Variants in AUTS2 observed in about 807,000 individuals in gnomAD.
AUTS2 encodes autism susceptibility gene 2 protein.
Under a neutral mutation model 112.4 loss-of-function variants are expected in AUTS2, and 17 were observed. The observed-to-expected ratio is 0.15, with a 90% CI of 0.10 to 0.23. AUTS2 has a LOEUF of 0.23. Among genes scored for constraint, AUTS2 ranks in the 10% least tolerant of loss-of-function variants. The probability of loss-of-function intolerance (pLI) is 1.00; values close to 1 mark genes in which losing one functional copy is unlikely to be tolerated. For missense variants in AUTS2, 1,510 were observed against 1,701.6 expected (o/e 0.89, Z 1.98); for synonymous variants, 751 against 702.7 (o/e 1.07, Z -1.09).
At chr7:69,893,871 C>T (rs1289561598) in intron 1 of AUTS2, among the ~76,000 whole-genome samples, 1 of 152,158 alleles carries the variant, frequency 6.6e-6, no homozygotes, top group Non-Finnish European at 1.5e-5. Context: ...ACTGAACCAT[C>T]TCATTTTGAA....
In AUTS2 at chr7:69,775,744, C is replaced by T. The variant is rs970555820; in HGVS notation, c.310-123542C>T. 3.3e-5 allele frequency among the ~76,000 whole-genome samples: 5 copies of T among 152,200 alleles called. No individual in the cohort carries two copies. The South Asian group carries it at 8.3e-4, about 25-fold the overall frequency. On this transcript the variant is annotated intron_variant, in intron 1 of 18. Transcript: ENST00000342771. ...GGCTGTCTGTGTTTCCCACGTGGGC[C>T]GGGTGAGCTGCTAGCATTTCTGTCA...
At chr7:69,808,934 CT>C (rs1157515279) in intron 1 of AUTS2, among the ~76,000 whole-genome samples, 46 of 152,258 alleles carry the variant, frequency 3.0e-4, no homozygotes, top group African/African-American at 1.0e-3. Flanking sequence ...CCCTTCTAAC[CT>C]GGACATCACA....
rs530444257 is a variant in AUTS2, at chr7:69,689,343, A to ATTT, written c.309+89404_309+89406dup. Among the ~76,000 whole-genome samples the ATTT allele has an allele frequency of 5.2e-3, 535 of 102,472 alleles. 4 individuals carry two copies. Among genetic ancestry groups the ATTT allele is most frequent in the Non-Finnish European group, 6.8e-3 (365 of 53,306 alleles). The allele number at this position is 102,472 out of a possible 152,430, so 67.2% of individuals were successfully genotyped here. ...TACCTTTTAATTAATTAATTAATTA[A>ATTT]TTTTTTTTTTTTTTTTTTTTTTTTT... On this transcript the variant is annotated intron_variant, in intron 1 of 18. Coordinates refer to ENST00000342771, the MANE Select transcript of AUTS2 (RefSeq NM_015570.4).
intron 6 of AUTS2, among the ~76,000 whole-genome samples, chr7:70,740,005 T>C (rs193047058): frequency 3.9e-5 from 6 of 152,172 alleles, no homozygotes; most frequent in Admixed American, 6.5e-5. Context: ...GGCTGTGAGT[T>C]TGTTCATCAT....
intron 2 of AUTS2, among the ~76,000 whole-genome samples, chr7:69,986,459 C>T (rs1274687743): frequency 6.6e-6 from 1 of 152,218 alleles, no homozygotes; most frequent in African/African-American, 2.4e-5. Context: ...CATCCAGGCT[C>T]ACTTGGAAAA....
intron 1 of AUTS2, among the ~76,000 whole-genome samples, chr7:69,643,596 A>T (rs1462772574): frequency 6.6e-6 from 1 of 152,164 alleles, no homozygotes; most frequent in African/African-American, 2.4e-5. Context: ...TGATGAGGGC[A>T]GGGTTTGAGT....
intron 1 of AUTS2, among the ~76,000 whole-genome samples, chr7:69,615,497 T>TTC (rs1399516317): frequency 3.9e-5 from 6 of 152,036 alleles, no homozygotes; most frequent in Non-Finnish European, 7.4e-5. Flanking sequence ...GAGACAGGAT[T>TTC]TCTCCATGTT....
At chr7:69,815,615 A>G (rs1790725162) in intron 1 of AUTS2, among the ~76,000 whole-genome samples, 1 of 152,110 alleles carries the variant, frequency 6.6e-6, no homozygotes, top group Non-Finnish European at 1.5e-5. Context: ...CCCAGGTTCA[A>G]GTGATTCTCC....
intron 13 of AUTS2, chr7:70,776,781 C>T (rs564032820): frequency 2.0e-5 from 8 of 394,904 alleles, no homozygotes; most frequent in East Asian, 1.7e-4. Flanking sequence ...CCAGGTCTGC[C>T]AGCTGGCAGC....
intron 5 of AUTS2, among the ~76,000 whole-genome samples, chr7:70,590,156 A>G (rs1393103538): frequency 4.8e-4 from 47 of 97,600 alleles, no homozygotes; most frequent in Admixed American, 2.5e-3. Flanking sequence ...GTGTGTATGT[A>G]TGTATATATA....
At chr7:70,365,399 G>A (rs2129628575) in intron 4 of AUTS2, among the ~76,000 whole-genome samples, 1 of 152,324 alleles carries the variant, frequency 6.6e-6, no homozygotes, top group South Asian at 2.1e-4. Flanking sequence ...CAGAACAGAT[G>A]GAGAAACTTG....
At chr7:70,787,026 C>T in intron 17 of AUTS2, 183 bp from the exon 18 acceptor site, 1 of 701,878 alleles carries the variant, frequency 1.4e-6, no homozygotes, top group South Asian at 1.6e-5. Flanking sequence ...TGTGAGCTAC[C>T]TCTCCAGTGT....
intron 4 of AUTS2, among the ~76,000 whole-genome samples, chr7:70,424,641 C>G (rs528331104): frequency 6.6e-6 from 1 of 152,120 alleles, no homozygotes; most frequent in Non-Finnish European, 1.5e-5. Flanking sequence ...GGCTAGAGCA[C>G]AATGACATGA....
chr7:70,507,405 A>G (rs1311996812), intron 5 of AUTS2, among the ~76,000 whole-genome samples: 1 of 152,110 alleles, frequency 6.6e-6, no homozygotes, highest in East Asian at 1.9e-4. Context: ...AAAGAATACC[A>G]TATCTGAGGT....
intron 4 of AUTS2, among the ~76,000 whole-genome samples, chr7:70,227,655 C>A (rs1053043399): frequency 3.3e-5 from 5 of 152,066 alleles, no homozygotes; most frequent in African/African-American, 1.2e-4. Flanking sequence ...CTATTCCGTT[C>A]AAAATATCTT....
chr7:70,454,698 G>A (rs1463008970), intron 5 of AUTS2, among the ~76,000 whole-genome samples: 1 of 152,050 alleles, frequency 6.6e-6, no homozygotes, highest in Non-Finnish European at 1.5e-5. Flanking sequence ...AACCACCATC[G>A]CCTTTGAGTT....
intron 5 of AUTS2, among the ~76,000 whole-genome samples, chr7:70,684,463 A>G (rs1268244808): frequency 1.3e-5 from 2 of 152,166 alleles, no homozygotes; most frequent in African/African-American, 2.4e-5. Flanking sequence ...ACATCTGGCC[A>G]GTGGAGGGAG....
At chr7:70,293,696 C>T (rs778603959) in intron 4 of AUTS2, 3 of 152,196 alleles carry the variant, frequency 2.0e-5, no homozygotes, top group Non-Finnish European at 4.4e-5. Flanking sequence ...CCAATGTCCT[C>T]GTCTCAGGGA....
At chr7:70,057,829 C>T (rs965756790) in intron 2 of AUTS2, among the ~76,000 whole-genome samples, 1 of 152,162 alleles carries the variant, frequency 6.6e-6, no homozygotes, top group Non-Finnish European at 1.5e-5. Context: ...CACATAAAGA[C>T]CTTACAGTGC....
Sources: gnomAD v4.1 joint callset for allele counts (sites outside exome capture counted in the v4.1 genomes callset) on GRCh38, gnomAD v4.1.1 for gene constraint, MANE v1.5 for transcripts, NCBI Gene and HGNC (gene_info 2026-07-23, HGNC 2026-07-21) for gene names.